The following PLD5 variants were observed in gnomAD, a reference collection of about 807,000 sequenced individuals.
The protein encoded by PLD5 is phospholipase D family member 5.
In PLD5, 36 loss-of-function variants were observed where a neutral mutation model predicts 61.1. That is an observed-to-expected ratio of 0.59 (90% CI 0.45 to 0.78). PLD5 has a LOEUF of 0.78. Ranked by LOEUF, PLD5 falls within the 30% of genes least tolerant of loss-of-function variation. The probability of loss-of-function intolerance (pLI) is 0.00; values close to 1 mark genes in which losing one functional copy is unlikely to be tolerated. For missense variants in PLD5, 515 were observed against 644.4 expected (o/e 0.80, Z 2.17); for synonymous variants, 243 against 242.8 (o/e 1.00, Z -0.01).
At chr1:242,230,247 A>C (rs1671215334) in intron 4 of PLD5, among the ~76,000 whole-genome samples, 2 of 152,202 alleles carry the variant, frequency 1.3e-5, no homozygotes, top group Non-Finnish European at 2.9e-5. Context: ...AGTATTTAAC[A>C]TTATCTTATT....
chr1:242,401,342 C>T (rs1323728433), intron 1 of PLD5, among the ~76,000 whole-genome samples: 1 of 152,166 alleles, frequency 6.6e-6, no homozygotes, highest in Non-Finnish European at 1.5e-5. Context: ...TCTGTGTCCA[C>T]TCTCACCACC....
intron 1 of PLD5, among the ~76,000 whole-genome samples, chr1:242,446,035 T>A (rs935303618): frequency 1.3e-4 from 19 of 151,910 alleles, no homozygotes; most frequent in Admixed American, 1.0e-3. Flanking sequence ...ATCTTCACGA[T>A]GACCCAATGG....
chr1:242,202,548 C>A (rs1669047410), intron 5 of PLD5, among the ~76,000 whole-genome samples: 2 of 152,256 alleles, frequency 1.3e-5, no homozygotes, highest in South Asian at 4.1e-4. Context: ...CCAGCCCATG[C>A]CTGTGACAGG....
At chr1:242,313,318 G>A (rs1465462354) in intron 2 of PLD5, among the ~76,000 whole-genome samples, 1 of 152,158 alleles carries the variant, frequency 6.6e-6, no homozygotes, top group Non-Finnish European at 1.5e-5. Context: ...TTCCTCTGCA[G>A]TGCTATTGTG....
rs144952243 is a variant in PLD5, at chr1:242,332,389, G to T, written c.326+15717C>A. ...CATAGAATGATTTATAATGCTTTGGGTATATACCCAGTAATGGAATTGCTG... is the reference window on the plus strand; with the variant it reads ...CATAGAATGATTTATAATGCTTTGGTTATATACCCAGTAATGGAATTGCTG... On this transcript the variant is annotated intron_variant, in intron 2 of 9. Coordinates refer to ENST00000536534, the MANE Select transcript of PLD5 (RefSeq NM_001372062.1). Among the ~76,000 whole-genome samples the T allele has an allele frequency of 3.7e-3, 559 of 152,200 alleles. 7 individuals carry two copies. The highest frequency in any genetic ancestry group is 0.013 in the African/African-American group (540 of 41,518).
rs1665017369 is a variant in PLD5, at chr1:242,419,468, T to A, written c.190-71226A>T. 6.7e-5 allele frequency among the ~76,000 whole-genome samples: 10 copies of A among 148,310 alleles called. No individual in the cohort carries two copies. The South Asian group carries it at 2.1e-3, about 32-fold the overall frequency. ...TGGAGTGCAATGGTGCGATCTCAGCTCATGGCAACCTCCACCTCCCGGGTT... is the reference window on the plus strand; with the variant it reads ...TGGAGTGCAATGGTGCGATCTCAGCACATGGCAACCTCCACCTCCCGGGTT... On this transcript the variant is annotated intron_variant, in intron 1 of 9. Coordinates refer to ENST00000536534, the MANE Select transcript of PLD5 (RefSeq NM_001372062.1).
intron 1 of PLD5, among the ~76,000 whole-genome samples, chr1:242,437,911 G>A (rs1466850038): frequency 6.6e-6 from 1 of 152,206 alleles, no homozygotes; most frequent in Non-Finnish European, 1.5e-5. Context: ...TCATCACTGT[G>A]CTACTGTATA....
chr1:242,499,580 G>T (rs1006921843), intron 1 of PLD5, among the ~76,000 whole-genome samples: 12 of 151,846 alleles, frequency 7.9e-5, no homozygotes, highest in African/African-American at 2.7e-4. Flanking sequence ...TTCGCATTTT[G>T]TCTTGTTTTT....
At chr1:242,405,083 G>A (rs1664158097) in intron 1 of PLD5, among the ~76,000 whole-genome samples, 1 of 151,716 alleles carries the variant, frequency 6.6e-6, no homozygotes, top group Admixed American at 6.6e-5. Flanking sequence ...GTTTCACCAA[G>A]TTGACCAGGC....
chr1:242,153,411 A>G (rs1193888394), intron 5 of PLD5, among the ~76,000 whole-genome samples: 1 of 152,170 alleles, frequency 6.6e-6, no homozygotes, highest in Non-Finnish European at 1.5e-5. Context: ...TGTTTTAGAC[A>G]TGAAGTCTTT....
At chr1:242,316,677 C>T (rs919536066) in intron 2 of PLD5, among the ~76,000 whole-genome samples, 1 of 152,162 alleles carries the variant, frequency 6.6e-6, no homozygotes, top group Non-Finnish European at 1.5e-5. Context: ...AAACTTGTGT[C>T]ATGGGGATTT....
At chr1:242,328,031 C>T (rs1449277983) in intron 2 of PLD5, among the ~76,000 whole-genome samples, 1 of 152,046 alleles carries the variant, frequency 6.6e-6, no homozygotes, top group African/African-American at 2.4e-5. Context: ...GTCATGGTTG[C>T]ACCACCGCAC....
intron 6 of PLD5, among the ~76,000 whole-genome samples, chr1:242,115,916 G>A (rs1295164901): frequency 6.6e-6 from 1 of 152,128 alleles, no homozygotes; most frequent in Non-Finnish European, 1.5e-5. Flanking sequence ...TAAAAATATG[G>A]TGTTTGTAGA....
intron 5 of PLD5, among the ~76,000 whole-genome samples, chr1:242,137,092 A>G (rs1173728901): frequency 6.6e-6 from 1 of 152,166 alleles, no homozygotes; most frequent in African/African-American, 2.4e-5. Context: ...AAAAGGAGAT[A>G]AGCTACAAAT....
intron 4 of PLD5, among the ~76,000 whole-genome samples, chr1:242,253,330 T>A (rs1365670745): frequency 1.1e-5 from 1 of 91,396 alleles, no homozygotes; most frequent in Non-Finnish European, 2.2e-5. Context: ...TTTTTTTTTT[T>A]AAGACGGAGT....
intron 3 of PLD5, among the ~76,000 whole-genome samples, chr1:242,286,998 G>A (rs1383614555): frequency 6.6e-6 from 1 of 152,098 alleles, no homozygotes; most frequent in East Asian, 1.9e-4. Context: ...CCTCATTCCT[G>A]TACTTGGATG....
At chr1:242,464,852 A>G (rs1462284541) in intron 1 of PLD5, among the ~76,000 whole-genome samples, 1 of 152,214 alleles carries the variant, frequency 6.6e-6, no homozygotes, top group Non-Finnish European at 1.5e-5. Context: ...CACATGCTAC[A>G]TGATAGACTT....
chr1:242,191,515 C>T (rs1406053392), intron 5 of PLD5, among the ~76,000 whole-genome samples: 5 of 151,456 alleles, frequency 3.3e-5, no homozygotes, highest in Admixed American at 1.3e-4. Context: ...GAACCCAGGA[C>T]GGGGAAGTTG....
intron 1 of PLD5, among the ~76,000 whole-genome samples, chr1:242,373,615 C>A (rs1027186089): frequency 1.3e-5 from 2 of 152,134 alleles, no homozygotes; most frequent in African/African-American, 4.8e-5. Flanking sequence ...GAATACTATG[C>A]AGCCATAAAA....
Sources: allele counts gnomAD v4.1 joint callset (sites outside exome capture counted in the v4.1 genomes callset), GRCh38; gene constraint gnomAD v4.1.1; transcripts MANE v1.5; gene names NCBI Gene and HGNC (gene_info 2026-07-23, HGNC 2026-07-21).